The following CNTNAP2 variants were observed in gnomAD, a reference collection of about 807,000 sequenced individuals.
CNTNAP2 encodes the protein contactin-associated protein-like 2.
In CNTNAP2, 98 loss-of-function variants were observed where a neutral mutation model predicts 155.2. The observed-to-expected ratio is 0.63, with a 90% CI of 0.54 to 0.75. The LOEUF is 0.75. CNTNAP2 is among the 30% of genes least tolerant of loss of function. CNTNAP2 has a pLI of 0.00. For missense variants in CNTNAP2, 1,727 were observed against 1,688.1 expected, an observed-to-expected ratio of 1.02 and a Z score of -0.40; for synonymous variants, 651 against 631.2, an observed-to-expected ratio of 1.03 and a Z score of -0.47.
rs1230291656 is a variant in CNTNAP2 at position 148,022,125 on chromosome 7, T to C, written c.2383+44136T>C. Among the ~76,000 whole-genome samples, 7 of 151,970 alleles carry C rather than the reference T, an allele frequency of 4.6e-5. 1 individual carries two copies. ...CTGCCCCAACCTGATCCAAGTATTA[T>C]ATGTAAACCTGTCATTAGGGTTCTT... On this transcript the variant is annotated intron_variant, in intron 15 of 23. Transcript: ENST00000361727.
chr7:146,526,725 A>G (rs1304275891), intron 1 of CNTNAP2, among the ~76,000 whole-genome samples: 1 of 152,178 alleles, frequency 6.6e-6, no homozygotes, highest in Admixed American at 6.6e-5. Context: ...GATCTGATAA[A>G]TAATTCTATA....
chr7:148,220,336 TC>T (rs1360952697), intron 19 of CNTNAP2, among the ~76,000 whole-genome samples: 1 of 152,196 alleles, frequency 6.6e-6, no homozygotes, highest in African/African-American at 2.4e-5. Context: ...TCTCCTGACC[TC>T]GTGATCCGCC....
At chr7:148,044,477 C>T (rs189945239) in intron 15 of CNTNAP2, 1 of 152,292 alleles carries the variant, frequency 6.6e-6, no homozygotes, top group East Asian at 1.9e-4. Flanking sequence ...TCATTCCTAA[C>T]GTGATGGTGT....
At chr7:146,135,394 G>T (rs547765295) in intron 1 of CNTNAP2, among the ~76,000 whole-genome samples, 6 of 152,108 alleles carry the variant, frequency 3.9e-5, no homozygotes, top group Admixed American at 2.0e-4. Context: ...TTAAGTTTTT[G>T]TAGTTATGAG....
At chr7:148,107,673 T>C (rs1428881966) in intron 15 of CNTNAP2, among the ~76,000 whole-genome samples, 1 of 152,210 alleles carries the variant, frequency 6.6e-6, no homozygotes, top group Non-Finnish European at 1.5e-5. Flanking sequence ...CAAATTTGCA[T>C]GCAAATGAAG....
At chr7:146,133,306 G>C (rs1471791991) in intron 1 of CNTNAP2, among the ~76,000 whole-genome samples, 2 of 152,014 alleles carry the variant, frequency 1.3e-5, no homozygotes, top group South Asian at 4.2e-4. Flanking sequence ...GTAGATTCTC[G>C]ATATTAGCCC....
intron 3 of CNTNAP2, among the ~76,000 whole-genome samples, chr7:147,013,973 T>C (rs1364729091): frequency 6.6e-6 from 1 of 152,156 alleles, no homozygotes; most frequent in Non-Finnish European, 1.5e-5. Context: ...AAAATATGAA[T>C]GCACATTAGC....
At chr7:147,565,867 A>C (rs967946919) in intron 12 of CNTNAP2, among the ~76,000 whole-genome samples, 2 of 152,280 alleles carry the variant, frequency 1.3e-5, no homozygotes, top group East Asian at 3.9e-4. Context: ...GTGAGCCCCA[A>C]AAGCCTGATT....
intron 9 of CNTNAP2, among the ~76,000 whole-genome samples, chr7:147,327,728 C>T (rs1048645254): frequency 3.3e-5 from 5 of 152,092 alleles, no homozygotes; most frequent in Non-Finnish European, 2.9e-5. Flanking sequence ...TTTAAAATAT[C>T]TGTTCTGAGC....
intron 1 of CNTNAP2, among the ~76,000 whole-genome samples, chr7:146,645,413 G>T (rs1799794309): frequency 6.6e-6 from 1 of 152,106 alleles, no homozygotes; most frequent in Admixed American, 6.6e-5. Flanking sequence ...TCTATGTCAG[G>T]CTTAGAGGGT....
chr7:146,177,461 G>A (rs1264087389), intron 1 of CNTNAP2, among the ~76,000 whole-genome samples: 2 of 152,136 alleles, frequency 1.3e-5, no homozygotes, highest in Non-Finnish European at 2.9e-5. Flanking sequence ...CCCAGAATGT[G>A]ATGTATTTTC....
intron 1 of CNTNAP2, among the ~76,000 whole-genome samples, chr7:146,272,456 A>T (rs897603947): frequency 6.6e-6 from 1 of 152,136 alleles, no homozygotes; most frequent in African/African-American, 2.4e-5. Context: ...AATTGGCTAC[A>T]TTTTAATAAA....
intron 9 of CNTNAP2, among the ~76,000 whole-genome samples, chr7:147,365,154 A>C (rs1348882693): frequency 1.3e-5 from 2 of 151,974 alleles, no homozygotes; most frequent in East Asian, 3.9e-4. Flanking sequence ...CTGTAATCCC[A>C]GCACTTGAGG....
intron 8 of CNTNAP2, among the ~76,000 whole-genome samples, chr7:147,198,234 T>A (rs1397353216): frequency 7.5e-6 from 1 of 133,508 alleles, no homozygotes; most frequent in Non-Finnish European, 1.6e-5. Flanking sequence ...CCAATATCCT[T>A]TTTTTTTTTT....
In CNTNAP2 at chr7:147,870,620, T is replaced by C. The variant is rs377683602; in HGVS notation, c.2099-32945T>C. On this transcript the variant is annotated intron_variant, in intron 13 of 23. Transcript: ENST00000361727. ...CCCCAATGCCAAGGCAATCCTGGCA[T>C]TCAACATAAAATCAGAGAATGCAAA... 4.1e-4 allele frequency among the ~76,000 whole-genome samples: 62 copies of C among 152,334 alleles called. 1 individual carries two copies. Among genetic ancestry groups the C allele is most frequent in the African/African-American group, 1.3e-3 (55 of 41,576 alleles).
chr7:148,245,826 T>G (rs1235889810), intron 20 of CNTNAP2, among the ~76,000 whole-genome samples: 1 of 152,158 alleles, frequency 6.6e-6, no homozygotes, highest in Non-Finnish European at 1.5e-5. Context: ...TGAGCACTCG[T>G]ACAGGGCCGG....
intron 13 of CNTNAP2, among the ~76,000 whole-genome samples, chr7:147,814,120 A>G (rs545508805): frequency 3.3e-5 from 5 of 152,236 alleles, no homozygotes; most frequent in African/African-American, 9.6e-5. Flanking sequence ...TGACTTTGAT[A>G]TTTCAGTCCC....
At chr7:147,780,959 T>C (rs1797653008) in intron 13 of CNTNAP2, among the ~76,000 whole-genome samples, 2 of 152,170 alleles carry the variant, frequency 1.3e-5, no homozygotes, top group South Asian at 4.1e-4. Context: ...CAGGTTCCTC[T>C]GAATAGAGAA....
At position 146,607,971 on chromosome 7, in the gene CNTNAP2, A is replaced by T. The variant is rs571845433; in HGVS notation, c.98-166300A>T. On this transcript the variant is annotated intron_variant, in intron 1 of 23. Transcript: ENST00000361727. ...GTATTTATTCCTTTCTTCATTTTGT[A>T]AAAAGGACACATTCATTTAAAGGAA... is the stretch of plus-strand genomic sequence containing the variant. Among the ~76,000 whole-genome samples, 4 of 152,300 alleles carry T rather than the reference A, an allele frequency of 2.6e-5. No homozygotes were observed. In the East Asian group the frequency reaches 7.7e-4, roughly 29 times the overall value.
Sources: allele counts gnomAD v4.1 joint callset (sites outside exome capture counted in the v4.1 genomes callset), GRCh38; gene constraint gnomAD v4.1.1; transcripts MANE v1.5; gene names NCBI Gene and HGNC (gene_info 2026-07-23, HGNC 2026-07-21).